The following MGRN1 variants were observed in gnomAD, a reference collection of about 807,000 sequenced individuals.
MGRN1 encodes mahogunin ring finger 1.
A neutral mutation model predicts 69.2 loss-of-function variants in MGRN1; 29 were observed. That is an observed-to-expected ratio of 0.42 (90% CI 0.31 to 0.57). MGRN1 has a LOEUF of 0.57. Ranked by LOEUF, MGRN1 falls within the 20% of genes least tolerant of loss-of-function variation. The pLI, the probability that MGRN1 is intolerant of heterozygous loss-of-function variation, is 0.15. For synonymous variants in MGRN1, 470 were observed against 344.2 expected, an observed-to-expected ratio of 1.37 and a Z score of -4.04; for missense variants, 998 against 796.2, an observed-to-expected ratio of 1.25 and a Z score of -3.05.
rs1266471208 is a variant in MGRN1, at chr16:4,690,333, C to G, written c.*1425C>G. 1 of 152,228 alleles carries G rather than the reference C, an allele frequency of 6.6e-6. No individual in the cohort carries two copies. Among genetic ancestry groups the G allele is most frequent in the Non-Finnish European group, 1.5e-5 (1 of 68,074 alleles). The allele number at this position is 152,228 out of a possible 1,614,324, so 9.4% of individuals were successfully genotyped here. ...GAGCCCTGGGCCAGGCAGGTGTCTGCTGCTCACCTGGCTCTGGAGGGCTGC... is the reference window on the plus strand; with the variant it reads ...GAGCCCTGGGCCAGGCAGGTGTCTGGTGCTCACCTGGCTCTGGAGGGCTGC... On this transcript the variant is annotated 3_prime_UTR_variant, in exon 17 of 17. Coordinates refer to ENST00000262370, the MANE Select transcript of MGRN1 (RefSeq NM_015246.4).
rs2079218633 is a variant in MGRN1, at chr16:4,682,803, A to G, written c.1359-20A>G. 1.3e-6 allele frequency: 2 copies of G among 1,524,182 alleles called. No individual in the cohort carries two copies. The highest frequency in any genetic ancestry group is 2.4e-5 in the East Asian group (1 of 42,392). The allele number at this position is 1,524,182 out of a possible 1,614,324, so 94.4% of individuals were successfully genotyped here. On this transcript the variant is annotated intron_variant, in intron 13 of 16. Transcript: ENST00000262370. ...TGTCGTTATCCTCTCACCCCTGCCCACCCTCTCCTCTGTCCCCAGCACCCT... is the reference window on the plus strand; with the variant it reads ...TGTCGTTATCCTCTCACCCCTGCCCGCCCTCTCCTCTGTCCCCAGCACCCT...
intron 1 of MGRN1, among the ~76,000 whole-genome samples, chr16:4,632,273 G>A (rs893631958): frequency 4.9e-4 from 73 of 148,988 alleles, no homozygotes; most frequent in South Asian, 2.2e-4. Flanking sequence ...CTCAGCCTCC[G>A]GAAGAGCTGG....
chr16:4,666,867 G>A (rs1310492525), intron 7 of MGRN1, among the ~76,000 whole-genome samples: 1 of 152,210 alleles, frequency 6.6e-6, no homozygotes, highest in Non-Finnish European at 1.5e-5. Context: ...TGAGTTTGAT[G>A]TCTGGCACAG....
At chr16:4,672,311 T>G in intron 9 of MGRN1, 1 of 456,296 alleles carries the variant, frequency 2.2e-6, no homozygotes, top group South Asian at 1.5e-5. Context: ...CCTCCCAAAG[T>G]GCTGGGATTT....
chr16:4,677,646 C>A, intron 11 of MGRN1, 74 bp downstream of exon 11: 4 of 1,404,870 alleles, frequency 2.8e-6, no homozygotes, highest in Non-Finnish European at 3.9e-6. Context: ...AAGGCCCAGA[C>A]GGTCCAGCCA....
At chr16:4,654,495 C>T (rs868065796) in intron 4 of MGRN1, among the ~76,000 whole-genome samples, 1 of 152,232 alleles carries the variant, frequency 6.6e-6, no homozygotes, top group East Asian at 1.9e-4. Context: ...CACATGTGCC[C>T]CAAGTGGCTT....
chr16:4,686,869 G>A (rs1034484080), intron 16 of MGRN1: 9 of 985,510 alleles, frequency 9.1e-6, no homozygotes, highest in South Asian at 4.7e-5. Context: ...AATGCGCCCC[G>A]ATTGGGAGAG....
At chr16:4,631,171 T>C (rs1596254312) in intron 1 of MGRN1, among the ~76,000 whole-genome samples, 1 of 152,122 alleles carries the variant, frequency 6.6e-6, no homozygotes, top group East Asian at 1.9e-4. Flanking sequence ...AAACCCCCCT[T>C]TTTTGTGGAT....
rs140306477 is a variant in MGRN1 at position 4,639,608 on chromosome 16, C to T, written c.89-10757C>T. 1.5e-4 allele frequency among the ~76,000 whole-genome samples: 23 copies of T among 152,262 alleles called. No homozygotes were observed. In the East Asian group the frequency reaches 2.7e-3, roughly 18 times the overall value. ...TGTCCCCAGATGCACAGCGTCTGCC[C>T]CCTCGGTGCGGGAGGATGAGGAACG... On this transcript the variant is annotated intron_variant, in intron 1 of 16. Coordinates refer to ENST00000262370, the MANE Select transcript of MGRN1 (RefSeq NM_015246.4).
intron 11 of MGRN1, among the ~76,000 whole-genome samples, chr16:4,678,959 T>C (rs1331945807): frequency 2.6e-5 from 4 of 152,244 alleles, no homozygotes; most frequent in Non-Finnish European, 5.9e-5. Flanking sequence ...AAGTCTGGAA[T>C]TTCCCTTAAA....
At chr16:4,665,071 T>C (rs760332831) in intron 6 of MGRN1, 31 bp from the exon 7 acceptor site, 1 of 1,613,860 alleles carries the variant, frequency 6.2e-7, no homozygotes, top group Non-Finnish European at 8.5e-7. Flanking sequence ...AGGCCCCGAC[T>C]CTGACTACTC....
At chr16:4,685,496 C>T (rs1404047338) in intron 16 of MGRN1, among the ~76,000 whole-genome samples, 1 of 152,250 alleles carries the variant, frequency 6.6e-6, no homozygotes, top group African/African-American at 2.4e-5. Context: ...GCCGAGTCTA[C>T]ATCGGGGCAG....
intron 7 of MGRN1, among the ~76,000 whole-genome samples, chr16:4,666,469 G>A (rs1412235066): frequency 6.6e-6 from 1 of 152,208 alleles, no homozygotes; most frequent in African/African-American, 2.4e-5. Context: ...TGTGTTGAGG[G>A]AGAACATTGT....
intron 7 of MGRN1, among the ~76,000 whole-genome samples, 180 bp downstream of exon 7, chr16:4,665,331 C>T (rs1031621176): frequency 3.3e-5 from 5 of 150,310 alleles, no homozygotes; most frequent in South Asian, 2.1e-4. Flanking sequence ...GTCCTGAGGC[C>T]GAGTGCCGCT....
intron 4 of MGRN1, among the ~76,000 whole-genome samples, chr16:4,654,831 C>T (rs138387868): frequency 2.0e-5 from 3 of 152,294 alleles, no homozygotes; most frequent in Admixed American, 6.5e-5. Context: ...CAGGTGAGGC[C>T]GCCCTTGGGC....
At chr16:4,643,287 G>C (rs2078202774) in intron 1 of MGRN1, among the ~76,000 whole-genome samples, 1 of 152,002 alleles carries the variant, frequency 6.6e-6, no homozygotes, top group South Asian at 2.1e-4. Flanking sequence ...GCAGAGATGG[G>C]GTTTTGCCAT....
At position 4,690,584 on chromosome 16, in the gene MGRN1, GCACATGCTCACGCACATGTTCA is replaced by G. The variant is rs1423472359; in HGVS notation, c.*1684_*1705del. ...CACACACACAAATGCACGCCCACTT[GCACATGCTCACGCACATGTTCA>G]CACATGCACACTCACGCTCACACAT... On this transcript the variant is annotated 3_prime_UTR_variant, in exon 17 of 17. Coordinates refer to ENST00000262370, the MANE Select transcript of MGRN1 (RefSeq NM_015246.4). 2.0e-5 allele frequency: 3 copies of G among 152,486 alleles called. No homozygotes were observed. Among genetic ancestry groups the G allele is most frequent in the African/African-American group, 7.2e-5 (3 of 41,546 alleles). 9.4% of individuals were successfully genotyped at this position (152,486 alleles called of 1,614,324 possible).
At chr16:4,681,297 C>T (rs1309654961) in intron 12 of MGRN1, 14 of 520,104 alleles carry the variant, frequency 2.7e-5, no homozygotes, top group Admixed American at 1.1e-4. Context: ...AGGGCTGGGG[C>T]GGTTCTTGGC....
intron 5 of MGRN1, among the ~76,000 whole-genome samples, chr16:4,661,655 A>G (rs2078684262): frequency 6.6e-6 from 1 of 152,236 alleles, no homozygotes; most frequent in Admixed American, 6.5e-5. Context: ...CCTCACTAAC[A>G]GAGACCACGG....
Sources: gnomAD v4.1 joint callset for allele counts (sites outside exome capture counted in the v4.1 genomes callset) on GRCh38, gnomAD v4.1.1 for gene constraint, MANE v1.5 for transcripts, NCBI Gene and HGNC (gene_info 2026-07-23, HGNC 2026-07-21) for gene names.